The following CENPW variants were observed in gnomAD, a reference collection of about 807,000 sequenced individuals.
CENPW encodes the protein centromere protein W.
In CENPW, 3 loss-of-function variants were observed where a neutral mutation model predicts 11.1. That is an observed-to-expected ratio of 0.27 (90% CI 0.12 to 0.70). CENPW has a LOEUF of 0.70. Ranked by LOEUF, CENPW falls within the 30% of genes least tolerant of loss-of-function variation. CENPW has a pLI of 0.77. For synonymous variants in CENPW, 38 were observed against 42.0 expected, an observed-to-expected ratio of 0.91 and a Z score of 0.37; for missense variants, 100 against 105.6, an observed-to-expected ratio of 0.95 and a Z score of 0.23.
chr6:126,351,415 G>T (rs1362008911), downstream of CENPW, among the ~76,000 whole-genome samples: 1 of 152,046 alleles, frequency 6.6e-6, no homozygotes, highest in African/African-American at 2.4e-5. Flanking sequence ...TCAAAATGAG[G>T]ATAGTAATAG....
At chr6:126,412,999 G>A in the CENPW span, among the ~76,000 whole-genome samples, 4 of 152,172 alleles carry the variant, frequency 2.6e-5, no homozygotes, top group Non-Finnish European at 4.4e-5. Context: ...TTCACTTGCT[G>A]TATATCTTTA....
the CENPW span, among the ~76,000 whole-genome samples, chr6:126,472,156 A>G: frequency 6.6e-6 from 1 of 152,162 alleles, no homozygotes; most frequent in Non-Finnish European, 1.5e-5. Context: ...GCTCTTTAGT[A>G]TGTTACAATT....
the CENPW span, among the ~76,000 whole-genome samples, chr6:126,429,160 G>A: frequency 6.6e-6 from 1 of 151,792 alleles, no homozygotes; most frequent in Non-Finnish European, 1.5e-5. Context: ...ATATCTTCTT[G>A]TAGGCTAATG....
the CENPW span, among the ~76,000 whole-genome samples, chr6:126,475,037 G>C: frequency 8.6e-5 from 13 of 152,030 alleles, 1 homozygote; most frequent in East Asian, 2.3e-3. Flanking sequence ...CCACCAGTTA[G>C]CTCTTTTAAA....
At chr6:126,356,027 A>G in the CENPW span, among the ~76,000 whole-genome samples, 1 of 152,162 alleles carries the variant, frequency 6.6e-6, no homozygotes, top group African/African-American at 2.4e-5. Context: ...TGCATGTTTT[A>G]AGAAATCTGG....
At chr6:126,352,064 G>C (rs1405951562), downstream of CENPW, among the ~76,000 whole-genome samples, 1 of 152,128 alleles carries the variant, frequency 6.6e-6, no homozygotes, top group Non-Finnish European at 1.5e-5. Flanking sequence ...CAGGTAGCCA[G>C]GTGATGCTAG....
intron 1 of CENPW, among the ~76,000 whole-genome samples, chr6:126,345,010 G>C (rs1372934312): frequency 1.3e-5 from 2 of 152,006 alleles, no homozygotes; most frequent in Non-Finnish European, 2.9e-5. Context: ...TCAGGTACCT[G>C]GCAGAAGCAA....
At chr6:126,439,796 A>G in the CENPW span, among the ~76,000 whole-genome samples, 1 of 151,736 alleles carries the variant, frequency 6.6e-6, no homozygotes, top group East Asian at 1.9e-4. Flanking sequence ...TCTATAGCCA[A>G]GATCATGGTA....
chr6:126,451,271 A>C, the CENPW span, among the ~76,000 whole-genome samples: 1 of 150,970 alleles, frequency 6.6e-6, no homozygotes, highest in Non-Finnish European at 1.5e-5. Flanking sequence ...GACAGAATGC[A>C]TGGAAAATAA....
the CENPW span, among the ~76,000 whole-genome samples, chr6:126,395,214 T>C: frequency 6.6e-6 from 1 of 152,122 alleles, no homozygotes; most frequent in Non-Finnish European, 1.5e-5. Flanking sequence ...TGCTTCATTG[T>C]TTTTTGTTCT....
At chr6:126,414,022 T>C in the CENPW span, among the ~76,000 whole-genome samples, 2 of 152,078 alleles carry the variant, frequency 1.3e-5, no homozygotes, top group African/African-American at 2.4e-5. Flanking sequence ...GTAGCTACTA[T>C]ACTTATATTG....
downstream of CENPW, among the ~76,000 whole-genome samples, chr6:126,351,249 A>G (rs902467931): frequency 6.6e-6 from 1 of 151,782 alleles, no homozygotes; most frequent in Non-Finnish European, 1.5e-5. Flanking sequence ...CACACAGCCA[A>G]AAGCCTCCTT....
At chr6:126,340,953 C>T (rs1780295515) in intron 1 of CENPW, among the ~76,000 whole-genome samples, 1 of 152,224 alleles carries the variant, frequency 6.6e-6, no homozygotes, top group African/African-American at 2.4e-5. Context: ...AGGGTGCTTA[C>T]TAAAGGACCC....
At chr6:126,352,963 T>C (rs1583959301), downstream of CENPW, among the ~76,000 whole-genome samples, 1 of 152,118 alleles carries the variant, frequency 6.6e-6, no homozygotes, top group African/African-American at 2.4e-5. Flanking sequence ...ATATCCTCTA[T>C]CAATCTGCTA....
chr6:126,452,999 G>A, the CENPW span, among the ~76,000 whole-genome samples: 1 of 151,112 alleles, frequency 6.6e-6, no homozygotes, highest in Admixed American at 6.6e-5. Flanking sequence ...CTAAAAGAAA[G>A]TAAAGAAAAT....
downstream of CENPW, among the ~76,000 whole-genome samples, chr6:126,352,531 T>C (rs1780503353): frequency 6.6e-6 from 1 of 152,152 alleles, no homozygotes; most frequent in Non-Finnish European, 1.5e-5. Flanking sequence ...CTAATCCATG[T>C]TGCTTGTATT....
chr6:126,452,619 G>C, the CENPW span, among the ~76,000 whole-genome samples: 2 of 150,878 alleles, frequency 1.3e-5, no homozygotes, highest in South Asian at 4.1e-4. Flanking sequence ...TAAAAACTAA[G>C]AGCAGCCCCA....
the CENPW span, among the ~76,000 whole-genome samples, chr6:126,392,883 C>A: frequency 6.6e-6 from 1 of 151,694 alleles, no homozygotes. Context: ...ATTAGTACTT[C>A]TTTAACTGGA....
the CENPW span, among the ~76,000 whole-genome samples, chr6:126,378,405 A>G: frequency 6.6e-6 from 1 of 151,912 alleles, no homozygotes; most frequent in Non-Finnish European, 1.5e-5. Context: ...TCATTTTAGT[A>G]GTTTTGCACT....
Sources: gnomAD v4.1 joint callset for allele counts (sites outside exome capture counted in the v4.1 genomes callset) on GRCh38, gnomAD v4.1.1 for gene constraint, MANE v1.5 for transcripts, NCBI Gene and HGNC (gene_info 2026-07-23, HGNC 2026-07-21) for gene names.